Variants in XNDC1N observed in about 807,000 individuals in gnomAD.
XNDC1N encodes the protein protein XNDC1N.
chr11:71,915,974 C>CGT, the XNDC1N span: 241 of 630,310 alleles, frequency 3.8e-4, no homozygotes, highest in Admixed American at 4.8e-4. Context: ...TGTGTGTGTA[C>CGT]GTGTGTGTGT....
the XNDC1N span, among the ~76,000 whole-genome samples, chr11:71,870,753 T>A: frequency 6.6e-6 from 1 of 152,202 alleles, no homozygotes; most frequent in South Asian, 2.1e-4. Context: ...AAAGAAGACA[T>A]ACAAATGACC....
chr11:71,885,094 G>A, the XNDC1N span, among the ~76,000 whole-genome samples: 1 of 152,100 alleles, frequency 6.6e-6, no homozygotes, highest in Non-Finnish European at 1.5e-5. Context: ...ACAAACCGGT[G>A]TACACCCTGG....
At chr11:71,910,158 A>G in the XNDC1N span, among the ~76,000 whole-genome samples, 19 of 151,970 alleles carry the variant, frequency 1.3e-4, no homozygotes, top group African/African-American at 3.6e-4. Flanking sequence ...TCCATGGAAC[A>G]CTCCCCTCCT....
At chr11:71,895,379 G>A in the XNDC1N span, among the ~76,000 whole-genome samples, 1 of 151,498 alleles carries the variant, frequency 6.6e-6, no homozygotes, top group Non-Finnish European at 1.5e-5. Flanking sequence ...GCACGGTCTC[G>A]GCTCACTGCA....
At chr11:71,881,222 T>C in the XNDC1N span, among the ~76,000 whole-genome samples, 8 of 152,210 alleles carry the variant, frequency 5.3e-5, no homozygotes, top group Non-Finnish European at 8.8e-5. Context: ...ATTTGGAATT[T>C]TTATATCCTC....
At chr11:71,927,383 C>T in the XNDC1N span, among the ~76,000 whole-genome samples, 10 of 151,858 alleles carry the variant, frequency 6.6e-5, no homozygotes, top group Non-Finnish European at 1.0e-4. Flanking sequence ...TTTCCCCAGG[C>T]GTGGTGGCGC....
At chr11:71,908,693 T>C in the XNDC1N span, among the ~76,000 whole-genome samples, 1 of 152,162 alleles carries the variant, frequency 6.6e-6, no homozygotes, top group African/African-American at 2.4e-5. Flanking sequence ...CTAATTGATT[T>C]GCTCCAAGCT....
chr11:71,921,006 T>A, the XNDC1N span, among the ~76,000 whole-genome samples: 16 of 152,088 alleles, frequency 1.1e-4, no homozygotes, highest in African/African-American at 3.9e-4. Flanking sequence ...TCTTCTTTTT[T>A]TTTAGAGACA....
At chr11:71,869,295 TG>T in the XNDC1N span, among the ~76,000 whole-genome samples, 18 of 151,966 alleles carry the variant, frequency 1.2e-4, no homozygotes, top group South Asian at 3.3e-3. Flanking sequence ...AGTGAGAACA[TG>T]TGGTGTTTGG....
the XNDC1N span, chr11:71,894,133 G>C: frequency 3.9e-6 from 2 of 513,504 alleles, no homozygotes; most frequent in South Asian, 2.0e-5. Context: ...CTATAAAATC[G>C]TCCCCTCCAT....
the XNDC1N span, among the ~76,000 whole-genome samples, chr11:71,867,123 C>T: frequency 2.0e-5 from 3 of 151,948 alleles, no homozygotes; most frequent in African/African-American, 7.3e-5. Context: ...AAGAGCAATA[C>T]TATGAACACT....
the XNDC1N span, among the ~76,000 whole-genome samples, chr11:71,866,838 A>C: frequency 6.6e-6 from 1 of 151,992 alleles, no homozygotes. Context: ...CCAGTTGTAC[A>C]TTTAGAAGTT....
chr11:71,895,585 C>A, the XNDC1N span, among the ~76,000 whole-genome samples: 2 of 151,992 alleles, frequency 1.3e-5, no homozygotes, highest in Non-Finnish European at 2.9e-5. Context: ...CTTCCGCCCC[C>A]CAAACTGCTG....
the XNDC1N span, chr11:71,918,828 G>A: frequency 2.9e-6 from 2 of 696,486 alleles, no homozygotes; most frequent in African/African-American, 1.8e-5. Flanking sequence ...GGAGTAGTTA[G>A]AGGGGACTGT....
chr11:71,922,227 T>C, the XNDC1N span, among the ~76,000 whole-genome samples: 1 of 152,206 alleles, frequency 6.6e-6, no homozygotes, highest in Non-Finnish European at 1.5e-5. Context: ...GTAAGTGTAA[T>C]ATTAATTTTC....
the XNDC1N span, among the ~76,000 whole-genome samples, chr11:71,874,597 G>C: frequency 3.3e-4 from 50 of 152,288 alleles, no homozygotes; most frequent in African/African-American, 1.2e-3. Context: ...CAAGTAAATA[G>C]TTGAATTTTT....
the XNDC1N span, among the ~76,000 whole-genome samples, chr11:71,909,839 C>T: frequency 1.1e-4 from 17 of 151,662 alleles, no homozygotes; most frequent in African/African-American, 3.6e-4. Context: ...CTGAGAGCCA[C>T]TATCTCTTTG....
At chr11:71,868,403 G>T in the XNDC1N span, among the ~76,000 whole-genome samples, 2 of 152,154 alleles carry the variant, frequency 1.3e-5, no homozygotes, top group Non-Finnish European at 2.9e-5. Flanking sequence ...ATTGTGTTTT[G>T]TGGTGGCTGG....
the XNDC1N span, among the ~76,000 whole-genome samples, chr11:71,898,556 G>A: frequency 6.6e-6 from 1 of 151,884 alleles, no homozygotes; most frequent in African/African-American, 2.4e-5. Flanking sequence ...GCAGTGAGGC[G>A]ACATCACGCC....
Sources: allele counts gnomAD v4.1 joint callset (sites outside exome capture counted in the v4.1 genomes callset), GRCh38; gene constraint gnomAD v4.1.1; transcripts MANE v1.5; gene names NCBI Gene and HGNC (gene_info 2026-07-23, HGNC 2026-07-21).